The following CLEC12A variants were observed in gnomAD, a reference collection of about 807,000 sequenced individuals.
CLEC12A encodes the protein C-type lectin protein CLL-1.
Under a neutral mutation model 26.5 loss-of-function variants are expected in CLEC12A, and 22 were observed. The ratio of observed to expected loss-of-function variants is 0.83; its 90% CI spans 0.59 to 1.19. The LOEUF (loss-of-function observed/expected upper bound fraction) is 1.19. Ranked by LOEUF, CLEC12A falls within the 50% of genes most tolerant of loss-of-function variation. The pLI is 0.00. For synonymous variants in CLEC12A, 119 were observed against 101.9 expected, an observed-to-expected ratio of 1.17 and a Z score of -1.01; for missense variants, 353 against 315.6, an observed-to-expected ratio of 1.12 and a Z score of -0.90.
At chr12:10,000,606 G>A (rs140420764), downstream of CLEC12A, among the ~76,000 whole-genome samples, 626 of 152,266 alleles carry the variant, frequency 4.1e-3, 1 homozygote, top group African/African-American at 0.013. Flanking sequence ...TCTTATCTCA[G>A]TTAAAATATT....
chr12:10,000,316 A>C (rs1170061022), downstream of CLEC12A, among the ~76,000 whole-genome samples: 1 of 151,958 alleles, frequency 6.6e-6, no homozygotes, highest in Non-Finnish European at 1.5e-5. Flanking sequence ...TATCTCCTTC[A>C]CTCTGAATTT....
At position 9,971,640 on chromosome 12, in the gene CLEC12A, C is replaced by T. The variant is rs867656488; in HGVS notation, c.44C>T (p.Ser15Phe). Residue 15 changes from serine to phenylalanine, a missense_variant, in exon 1 of 6, where the codon TCC becomes TTC. Ser to Phe is a radical substitution (Grantham distance 155, BLOSUM62 -2). Transcript: ENST00000304361. ...TATGCAGATCTTCAATTCCAGAACT[C>T]CAGTGAGATGGAAAAAATCCCAGAA... is the stretch of plus-strand genomic sequence containing the variant. ...VTYADLQFQN[S>F]SEMEKIPEIG... 1 of 1,609,624 alleles carries T rather than the reference C, an allele frequency of 6.2e-7. No homozygotes were observed. The highest frequency in any genetic ancestry group is 8.5e-7 in the Non-Finnish European group (1 of 1,177,918).
In CLEC12A at chr12:9,979,437, A is replaced by C. The variant is rs771555452; in HGVS notation, c.292A>C (p.Asn98His). 1 of 1,613,058 alleles carries C rather than the reference A, an allele frequency of 6.2e-7. No homozygotes were observed. Among genetic ancestry groups the C allele is most frequent in the Non-Finnish European group, 8.5e-7 (1 of 1,179,330 alleles). Residue 98 changes from asparagine to histidine, a missense_variant, in exon 3 of 6, where the codon AAT becomes CAT. Coordinates refer to ENST00000304361, the MANE Select transcript of CLEC12A (RefSeq NM_138337.6). ...TTCTCTACAACTGATGAGTAACATG[A>C]ATATCTCCAACAAGATCAGGAACCT... ...NISLQLMSNMNISNKIRNLST... is the reference protein window; with the variant it reads ...NISLQLMSNMHISNKIRNLST...
At chr12:9,953,601 CT>C (rs1863685194) in intron 1 of CLEC12A, among the ~76,000 whole-genome samples, 3 of 150,644 alleles carry the variant, frequency 2.0e-5, no homozygotes, top group Non-Finnish European at 4.4e-5. Flanking sequence ...GGTCAGCCCC[CT>C]GCCCGGCCAG....
chr12:9,990,042 A>G (rs1236771386), downstream of CLEC12A, among the ~76,000 whole-genome samples: 3 of 152,208 alleles, frequency 2.0e-5, no homozygotes, highest in African/African-American at 7.2e-5. Flanking sequence ...CTCAGAAAAA[A>G]AAAAGGTCTT....
chr12:9,988,219 C>T (rs1240865345), downstream of CLEC12A, among the ~76,000 whole-genome samples: 1 of 152,024 alleles, frequency 6.6e-6, no homozygotes, highest in African/African-American at 2.4e-5. Flanking sequence ...GAGGGTGGTT[C>T]CCCTATACTG....
At chr12:9,967,951 G>A (rs1864004150), upstream of CLEC12A, among the ~76,000 whole-genome samples, 2 of 152,232 alleles carry the variant, frequency 1.3e-5, no homozygotes, top group South Asian at 4.2e-4. Flanking sequence ...TTCCGTGACT[G>A]GTGCCGGAGT....
upstream of CLEC12A, among the ~76,000 whole-genome samples, chr12:9,969,923 C>T (rs182639150): frequency 1.4e-3 from 216 of 152,172 alleles, 1 homozygote; most frequent in African/African-American, 4.2e-3. Context: ...AACTCACTTC[C>T]GCATCTGTAA....
At chr12:9,952,510 G>C (rs1863638101) in intron 1 of CLEC12A, 1 of 151,836 alleles carries the variant, frequency 6.6e-6, no homozygotes, top group South Asian at 1.3e-4. Context: ...GCAGTGGCGT[G>C]ATCTCGGCTC....
intron 1 of CLEC12A, among the ~76,000 whole-genome samples, chr12:9,977,898 A>C (rs1284910412): frequency 6.6e-6 from 1 of 152,176 alleles, no homozygotes; most frequent in East Asian, 1.9e-4. Flanking sequence ...AGTTCATTGA[A>C]TAAATAAACT....
chr12:10,002,440 G>GTTT, the CLEC12A span, among the ~76,000 whole-genome samples: 32 of 40,474 alleles, frequency 7.9e-4, no homozygotes, highest in Non-Finnish European at 1.1e-3. Context: ...GTTGGGTAAT[G>GTTT]TTTTTTTTTT....
At chr12:9,983,542 GAAGA>G (rs1390066038) in intron 5 of CLEC12A, 1 of 694,668 alleles carries the variant, frequency 1.4e-6, no homozygotes, top group Non-Finnish European at 2.6e-6. Flanking sequence ...AATATCAAAC[GAAGA>G]AAGAAACCAG....
intron 1 of CLEC12A, among the ~76,000 whole-genome samples, chr12:9,961,307 T>C (rs1406290302): frequency 1.3e-5 from 2 of 152,238 alleles, no homozygotes; most frequent in Non-Finnish European, 2.9e-5. Context: ...TCTCTCAGGT[T>C]AAATTTTCAA....
chr12:9,955,000 G>T (rs1338139047), intron 1 of CLEC12A, among the ~76,000 whole-genome samples: 1 of 152,176 alleles, frequency 6.6e-6, no homozygotes, highest in Non-Finnish European at 1.5e-5. Flanking sequence ...GTGATTTTTT[G>T]ATAAATAAGA....
intron 1 of CLEC12A, chr12:9,952,816 T>A (rs1442775582): frequency 5.1e-5 from 5 of 98,422 alleles, no homozygotes; most frequent in African/African-American, 2.2e-4. Context: ...GGGGAGCGCC[T>A]CTGCCCCGCC....
At chr12:10,002,444 T>TTTTTTTTTTTTTTTTTTTTG in the CLEC12A span, among the ~76,000 whole-genome samples, 1 of 36,428 alleles carries the variant, frequency 2.7e-5, no homozygotes, top group Non-Finnish European at 7.0e-5. Flanking sequence ...GGTAATGTTT[T>TTTTTTTTTTTTTTTTTTTTG]TTTTTTTTTT....
At chr12:9,980,441 A>G in intron 3 of CLEC12A, 141 bp from the exon 4 acceptor site, 2 of 939,372 alleles carry the variant, frequency 2.1e-6, no homozygotes, top group South Asian at 1.8e-5. Context: ...CTGTCAAAAA[A>G]AAAAAAAGGG....
At chr12:9,983,494 A>G in intron 5 of CLEC12A, 1 of 695,612 alleles carries the variant, frequency 1.4e-6, no homozygotes, top group Non-Finnish European at 2.6e-6. Context: ...GGCAAATTCC[A>G]TTTGTATTTT....
downstream of CLEC12A, among the ~76,000 whole-genome samples, chr12:9,990,464 A>G (rs2137223330): frequency 6.6e-6 from 1 of 152,360 alleles, no homozygotes; most frequent in African/African-American, 2.4e-5. Context: ...TGGTGGAAAT[A>G]GCAAGAGAAC....
Sources: gnomAD v4.1 joint callset for allele counts (sites outside exome capture counted in the v4.1 genomes callset) on GRCh38, gnomAD v4.1.1 for gene constraint, MANE v1.5 for transcripts, NCBI Gene and HGNC (gene_info 2026-07-23, HGNC 2026-07-21) for gene names.